The following CFTR variants were observed in gnomAD, a reference collection of about 807,000 sequenced individuals.
CFTR encodes the protein cystic fibrosis transmembrane conductance regulator.
In CFTR, 181 loss-of-function variants were observed where a neutral mutation model predicts 171.6. The ratio of observed to expected loss-of-function variants is 1.05; its 90% confidence interval spans 0.93 to 1.19. The LOEUF (loss-of-function observed/expected upper bound fraction) is 1.19. Among genes scored for constraint, CFTR ranks in the 50% most tolerant of loss-of-function variants. CFTR has a pLI of 0.00. For missense variants in CFTR, 1,968 were observed against 1,734.7 expected (o/e 1.13, Z -2.39); for synonymous variants, 583 against 608.0 (o/e 0.96, Z 0.60).
In CFTR at chr7:117,612,234, TACACACACACAC is replaced by T. The variant is rs112904263; in HGVS notation, c.3367+442_3367+453del. 2.8e-5 allele frequency among the ~76,000 whole-genome samples: 4 copies of T among 140,934 alleles called. No homozygotes were observed. In the Admixed American group the frequency reaches 2.8e-4, roughly 10 times the overall value. 92.5% of individuals were successfully genotyped at this position (140,934 alleles called of 152,430 possible). ...AGAGGGGAAATGAAACATCCGCATT[TACACACACACAC>T]ACACACACACACACAGAGTTCCTCT... On this transcript the variant is annotated intron_variant, in intron 20 of 26. Transcript: ENST00000003084.
At chr7:117,514,860 A>G (rs1341655390) in intron 3 of CFTR, among the ~76,000 whole-genome samples, 2 of 152,188 alleles carry the variant, frequency 1.3e-5, no homozygotes, top group Admixed American at 1.3e-4. Context: ...TCTGACTGGC[A>G]TGAGATGGTA....
Position 117,592,390 on chromosome 7 carries a change from T to C in CFTR, c.2223T>C (p.Asp741=). 6.2e-7 allele frequency: 1 copy of C among 1,614,094 alleles called. No homozygotes were observed. The highest frequency in any genetic ancestry group is 2.2e-5 in the East Asian group (1 of 44,882). Residue 741 remains aspartate, a synonymous_variant, in exon 14 of 27, where the codon GAT becomes GAC. Transcript: ENST00000003084. The stretch of plus-strand genomic sequence containing the variant: ...AGAGAAGGCTGTCCTTAGTACCAGA[T>C]TCTGAGCAGGGAGAGGCGATACTGC... ...PLERRLSLVP[D]SEQGEAILPR...
chr7:117,616,596 C>A (rs2116101591), intron 21 of CFTR, among the ~76,000 whole-genome samples: 1 of 152,230 alleles, frequency 6.6e-6, no homozygotes, highest in Admixed American at 6.5e-5. Flanking sequence ...TCTGCGTGTT[C>A]AATCTCCATG....
rs557991627 is a variant in CFTR, at chr7:117,519,819, G to A, written c.273+10677G>A. Among the ~76,000 whole-genome samples, 4 of 151,916 alleles carry A rather than the reference G, an allele frequency of 2.6e-5. No individual in the cohort carries two copies. In the South Asian group the frequency reaches 8.3e-4, roughly 31 times the overall value. ...TATTTAATCAGTTCCTCATCATTGAGTATGTAAATTGCCTCCATTTTTTTA... is the reference window on the plus strand; with the variant it reads ...TATTTAATCAGTTCCTCATCATTGAATATGTAAATTGCCTCCATTTTTTTA... On this transcript the variant is annotated intron_variant, in intron 3 of 26. Coordinates refer to ENST00000003084, the MANE Select transcript of CFTR (RefSeq NM_000492.4).
chr7:117,625,440 GTGC>G (rs1792636913), intron 21 of CFTR, among the ~76,000 whole-genome samples: 1 of 152,092 alleles, frequency 6.6e-6, no homozygotes, highest in African/African-American at 2.4e-5. Context: ...TTACATTCCA[GTGC>G]TACCAAAATA....
chr7:117,558,382 G>T (rs34966030), intron 10 of CFTR, among the ~76,000 whole-genome samples: 2 of 151,810 alleles, frequency 1.3e-5, no homozygotes, highest in Non-Finnish European at 2.9e-5. Flanking sequence ...GTGAAACTCC[G>T]TCTCTACTAA....
chr7:117,549,379 C>T (rs1425519182), intron 10 of CFTR, among the ~76,000 whole-genome samples: 1 of 152,038 alleles, frequency 6.6e-6, no homozygotes, highest in Non-Finnish European at 1.5e-5. Context: ...ACCCTAAGAA[C>T]AACTTAACCT....
Position 117,652,845 on chromosome 7 carries a change from G to T in CFTR, c.3877G>T (p.Val1293Leu). The T allele has an allele frequency of 6.9e-7, 1 of 1,443,748 alleles. No homozygotes were observed. The highest frequency in any genetic ancestry group is 9.7e-7 in the Non-Finnish European group (1 of 1,027,602). 89.4% of individuals were successfully genotyped at this position (1,443,748 alleles called of 1,614,324 possible). The change falls in exon 24 of 27, where the codon GTA (valine) becomes TTA (leucine). Residue 1293 changes from valine (V) to leucine (L), a missense_variant. Physicochemically the swap from Val to Leu is conservative, Grantham distance 32 (BLOSUM62 1). Coordinates refer to ENST00000003084, the MANE Select transcript of CFTR (RefSeq NM_000492.4). ...CTTCTTTTCTTTTTTGCTATAGAAA[G>T]TATTTATTTTTTCTGGAACATTTAG... The part of the protein sequence containing the change: ...RKAFGVIPQK[V>L]FIFSGTFRKN...
At chr7:117,661,910 A>G (rs373183314) in intron 24 of CFTR, among the ~76,000 whole-genome samples, 36 of 148,888 alleles carry the variant, frequency 2.4e-4, no homozygotes, top group African/African-American at 7.8e-4. Context: ...AGGAGGGCAG[A>G]TTCAAAGCTG....
At chr7:117,587,886 TA>T (rs1270683794) in intron 12 of CFTR, 53 bp downstream of exon 12, 6 of 1,111,786 alleles carry the variant, frequency 5.4e-6, no homozygotes, top group South Asian at 1.3e-5. Flanking sequence ...GTCATTCATG[TA>T]AAAAAATTAC....
At chr7:117,502,590 T>C (rs1798349243) in intron 1 of CFTR, among the ~76,000 whole-genome samples, 1 of 152,222 alleles carries the variant, frequency 6.6e-6, no homozygotes, top group Non-Finnish European at 1.5e-5. Context: ...CTGTTCTTTA[T>C]GTTAGATACT....
chr7:117,661,745 T>G (rs987898864), intron 24 of CFTR, among the ~76,000 whole-genome samples: 1 of 152,216 alleles, frequency 6.6e-6, no homozygotes. Flanking sequence ...GTACTTACCA[T>G]GTGCCATATT....
chr7:117,548,678 A>G lies in CFTR; in HGVS notation c.1247A>G (p.Asn416Ser), dbSNP rs777850419. 53 of 1,613,314 alleles carry G rather than the reference A, an allele frequency of 3.3e-5. No individual in the cohort carries two copies. The highest frequency in any genetic ancestry group is 4.3e-5 in the Non-Finnish European group (51 of 1,179,618). ...TTATTTGAGAAAGCAAAACAAAACA[A>G]TAACAATAGAAAAACTTCTAATGGT... ...GELFEKAKQNNNNRKTSNGDD... is the reference protein window; with the variant it reads ...GELFEKAKQNSNNRKTSNGDD... The change falls in exon 10 of 27, where the codon AAT (asparagine) becomes AGT (serine). Residue 416 changes from asparagine (N) to serine (S), a missense_variant. Transcript: ENST00000003084.
At chr7:117,578,368 T>C (rs1791801937) in intron 11 of CFTR, among the ~76,000 whole-genome samples, 1 of 152,150 alleles carries the variant, frequency 6.6e-6, no homozygotes, top group Non-Finnish European at 1.5e-5. Flanking sequence ...TAACATTTTC[T>C]TTTCTCTAGC....
intron 22 of CFTR, among the ~76,000 whole-genome samples, chr7:117,641,300 G>C (rs1792908091): frequency 6.6e-6 from 1 of 151,980 alleles, no homozygotes; most frequent in African/African-American, 2.4e-5. Context: ...CACTGGTTCT[G>C]GTTTACAAAC....
At chr7:117,584,923 T>A (rs1003440160) in intron 11 of CFTR, among the ~76,000 whole-genome samples, 11 of 120,950 alleles carry the variant, frequency 9.1e-5, no homozygotes, top group African/African-American at 4.6e-4. Context: ...TTTAGTTTTT[T>A]TTTTTTGTTT....
intron 24 of CFTR, among the ~76,000 whole-genome samples, chr7:117,653,148 G>C (rs1276186030): frequency 6.6e-6 from 1 of 152,136 alleles, no homozygotes; most frequent in Non-Finnish European, 1.5e-5. Flanking sequence ...CAACACAAAT[G>C]GTTGATATGG....
intron 1 of CFTR, among the ~76,000 whole-genome samples, chr7:117,480,659 C>G (rs1439714100): frequency 1.3e-5 from 2 of 151,926 alleles, no homozygotes; most frequent in East Asian, 1.9e-4. Flanking sequence ...CTGGATATAT[C>G]TAGTATTTGT....
chr7:117,617,950 C>A (rs1792518764), intron 21 of CFTR, among the ~76,000 whole-genome samples: 1 of 152,074 alleles, frequency 6.6e-6, no homozygotes, highest in Non-Finnish European at 1.5e-5. Flanking sequence ...TCCATCAGCC[C>A]CATAACTCAG....
Sources: allele counts gnomAD v4.1 joint callset (sites outside exome capture counted in the v4.1 genomes callset), GRCh38; gene constraint gnomAD v4.1.1; transcripts MANE v1.5; gene names NCBI Gene and HGNC (gene_info 2026-07-23, HGNC 2026-07-21).